LYST: variants seen among roughly 807,000 people sequenced by gnomAD.
LYST encodes lysosomal-trafficking regulator.
Under a neutral mutation model 413.6 loss-of-function variants are expected in LYST, and 192 were observed. The ratio of observed to expected loss-of-function variants is 0.46; its 90% CI spans 0.41 to 0.52. LYST has a LOEUF of 0.52. Among genes scored for constraint, LYST ranks in the 20% least tolerant of loss-of-function variants. LYST has a pLI of 0.00. For synonymous variants in LYST, 1,525 were observed against 1,567.3 expected (o/e 0.97, Z 0.64); for missense variants, 3,815 against 4,499.9 (o/e 0.85, Z 4.35).
chr1:235,853,016 G>A (rs566982898), intron 1 of LYST: 3 of 170,344 alleles, frequency 1.8e-5, no homozygotes, highest in South Asian at 2.0e-4. Flanking sequence ...GTAACTAGAC[G>A]GTTTTCTGTG....
chr1:235,864,922 C>T (rs1680320701), intron 1 of LYST, among the ~76,000 whole-genome samples: 1 of 152,134 alleles, frequency 6.6e-6, no homozygotes. Context: ...AAGTGAGATC[C>T]TGACTCAAAA....
Position 235,733,917 on chromosome 1 carries a change from T to C in LYST, c.8536-11A>G, listed in dbSNP as rs771662965. The C allele has an allele frequency of 1.5e-6, 2 of 1,343,942 alleles. No individual in the cohort carries two copies. The highest frequency in any genetic ancestry group is 2.3e-5 in the East Asian group (1 of 43,510). The allele number at this position is 1,343,942 out of a possible 1,614,324, so 83.3% of individuals were successfully genotyped here. A position where few individuals can be genotyped will look rare whatever the true frequency, so the allele number is the denominator to read the frequency against. On this transcript the variant is annotated splice_polypyrimidine_tract_variant and intron_variant, in intron 32 of 52. Coordinates refer to ENST00000389793, the MANE Select transcript of LYST (RefSeq NM_000081.4). Reference sequence around the variant, plus strand: ...ATATTTCTTTTGTTCCTAGAAGATTTAGATAATAATATACTATATAAAATT... The same window carrying C: ...ATATTTCTTTTGTTCCTAGAAGATTCAGATAATAATATACTATATAAAATT...
chr1:235,716,838 C>A, intron 40 of LYST, 60 bp from the exon 41 acceptor site: 1 of 964,188 alleles, frequency 1.0e-6, no homozygotes, highest in Non-Finnish European at 1.7e-6. Context: ...ATTAAGCTCC[C>A]TAGATGTCTG....
chr1:235,815,272 T>C (rs545128823), intron 3 of LYST, among the ~76,000 whole-genome samples: 2 of 152,118 alleles, frequency 1.3e-5, no homozygotes, highest in Non-Finnish European at 2.9e-5. Flanking sequence ...CATATCCTCA[T>C]GAAGCCTACT....
In LYST at chr1:235,694,011, C is replaced by CTT. The variant is rs11389709; in HGVS notation, c.10565-527_10565-526dup. Among the ~76,000 whole-genome samples, 346 of 135,600 alleles carry CTT rather than the reference C, an allele frequency of 2.6e-3. 2 individuals are homozygous for CTT. The highest frequency in any genetic ancestry group is 7.2e-3 in the African/African-American group (264 of 36,416). 89.0% of individuals were successfully genotyped at this position (135,600 alleles called of 152,430 possible). On this transcript the variant is annotated intron_variant, in intron 46 of 52. Coordinates refer to ENST00000389793, the MANE Select transcript of LYST (RefSeq NM_000081.4). The stretch of plus-strand genomic sequence containing the variant: ...GAGGCTCTGTTCTTCTCTTCTTCTT[C>CTT]TTTTTTTTTTTTTTTTGAGACAGAG...
In LYST at chr1:235,731,188, A is replaced by G; in HGVS notation, c.8802-11T>C. 6.2e-7 allele frequency: 1 copy of G among 1,613,872 alleles called. No individual in the cohort carries two copies. The highest frequency in any genetic ancestry group is 8.5e-7 in the Non-Finnish European group (1 of 1,179,758). On this transcript the variant is annotated splice_polypyrimidine_tract_variant and intron_variant, in intron 34 of 52. Coordinates refer to ENST00000389793, the MANE Select transcript of LYST (RefSeq NM_000081.4). Reference sequence around the variant, plus strand: ...TCATACCATACTGCTCTGCAAGTAAAAAGATTAAAGGGTGTTTTAAGTGAC... The same window carrying G: ...TCATACCATACTGCTCTGCAAGTAAGAAGATTAAAGGGTGTTTTAAGTGAC...
chr1:235,759,884 G>A (rs570596922), intron 22 of LYST, among the ~76,000 whole-genome samples: 1 of 152,060 alleles, frequency 6.6e-6, no homozygotes, highest in South Asian at 2.1e-4. Flanking sequence ...CCAAGCAGCT[G>A]GGACTATAGG....
At chr1:235,794,834 G>A (rs2103542108) in intron 10 of LYST, among the ~76,000 whole-genome samples, 1 of 152,276 alleles carries the variant, frequency 6.6e-6, no homozygotes, top group African/African-American at 2.4e-5. Flanking sequence ...ATCAGTGTGT[G>A]TGCTTACTTT....
At chr1:235,756,893 A>C (rs1667100167) in intron 24 of LYST, among the ~76,000 whole-genome samples, 1 of 152,164 alleles carries the variant, frequency 6.6e-6, no homozygotes, top group African/African-American at 2.4e-5. Context: ...GTAAATGTCT[A>C]AAATTTGATA....
chr1:235,700,077 A>G (rs1661422261), intron 45 of LYST, among the ~76,000 whole-genome samples: 1 of 152,218 alleles, frequency 6.6e-6, no homozygotes, highest in Non-Finnish European at 1.5e-5. Flanking sequence ...CACCTTATAC[A>G]AAAATTAACT....
chr1:235,708,033 G>T (rs933969954), intron 44 of LYST, among the ~76,000 whole-genome samples: 5 of 151,942 alleles, frequency 3.3e-5, no homozygotes, highest in Non-Finnish European at 7.4e-5. Flanking sequence ...TTGGATTTTT[G>T]GATTAAGAAT....
chr1:235,855,009 C>CATAACATTGGTTCCA (rs1678994084), intron 1 of LYST, among the ~76,000 whole-genome samples: 1 of 152,196 alleles, frequency 6.6e-6, no homozygotes, highest in South Asian at 2.1e-4. Flanking sequence ...AAACTCCCAA[C>CATAACATTGGTTCCA]ACATAACACG....
intron 40 of LYST, among the ~76,000 whole-genome samples, chr1:235,717,822 A>G (rs1335475529): frequency 3.3e-5 from 5 of 152,208 alleles, no homozygotes; most frequent in African/African-American, 1.2e-4. Flanking sequence ...TAAAAAGCAA[A>G]AACAATTTAT....
chr1:235,713,953 T>C (rs549600207), intron 42 of LYST, among the ~76,000 whole-genome samples: 24 of 152,316 alleles, frequency 1.6e-4, no homozygotes, highest in Middle Eastern at 6.8e-3. Context: ...TTTAGTTGAT[T>C]GGTAGTTTTA....
At chr1:235,751,148 G>C (rs1366337890) in intron 28 of LYST, 62 bp downstream of exon 28, 1 of 1,447,896 alleles carries the variant, frequency 6.9e-7, no homozygotes, top group African/African-American at 1.4e-5. Flanking sequence ...AATGGCATAA[G>C]AACATAGGAA....
intron 12 of LYST, among the ~76,000 whole-genome samples, chr1:235,789,987 TA>T (rs1211625123): frequency 2.0e-5 from 3 of 152,190 alleles, no homozygotes; most frequent in Non-Finnish European, 4.4e-5. Context: ...CCAGTTAGTT[TA>T]GAGGTAAAAG....
intron 31 of LYST, chr1:235,737,916 A>ATAATC: frequency 1.7e-6 from 2 of 1,163,406 alleles, no homozygotes; most frequent in Admixed American, 4.4e-5. Flanking sequence ...GCTGCCGACG[A>ATAATC]GTCTGGATCT....
At chr1:235,865,441 G>A (rs2103200272) in intron 1 of LYST, among the ~76,000 whole-genome samples, 1 of 152,318 alleles carries the variant, frequency 6.6e-6, no homozygotes, top group South Asian at 2.1e-4. Flanking sequence ...TGAAGGAGCA[G>A]ATATTTATGT....
Position 235,746,509 on chromosome 1 carries a change from A to C in LYST, c.7799T>G (p.Leu2600Arg). ...KSIAGPRKFP[L>R]AQTESLLMKM... ...CATCAGAAGCGATTCAGTTTGAGCA[A>C]GGGGAAATTTTCGAGGACCTTTAAA... The change falls in exon 29 of 53, where the codon CTT (leucine) becomes CGT (arginine). Residue 2600 changes from leucine (L) to arginine (R), a missense_variant. By Grantham distance (102) the Leu-to-Arg change is moderately radical (BLOSUM62 -2). Transcript: ENST00000389793. The C allele has an allele frequency of 6.2e-7, 1 of 1,613,470 alleles. No homozygotes were observed. The highest frequency in any genetic ancestry group is 8.5e-7 in the Non-Finnish European group (1 of 1,179,602).
Sources: allele counts gnomAD v4.1 joint callset (sites outside exome capture counted in the v4.1 genomes callset), GRCh38; gene constraint gnomAD v4.1.1; transcripts MANE v1.5; gene names NCBI Gene and HGNC (gene_info 2026-07-23, HGNC 2026-07-21).